PDE1A: variants seen among roughly 807,000 people sequenced by gnomAD.
PDE1A encodes phosphodiesterase 1A.
A neutral mutation model predicts 61.7 loss-of-function variants in PDE1A; 35 were observed. The observed-to-expected ratio is 0.57, with a 90% confidence interval of 0.43 to 0.75. The LOEUF is 0.75. PDE1A is among the 30% of genes least tolerant of loss of function. The pLI is 0.00. For missense variants in PDE1A, 597 were observed against 630.6 expected, an observed-to-expected ratio of 0.95 and a Z score of 0.57; for synonymous variants, 232 against 213.2, an observed-to-expected ratio of 1.09 and a Z score of -0.77.
At chr2:182,385,673 AG>A (rs1209183904) in intron 1 of PDE1A, among the ~76,000 whole-genome samples, 30 of 134,914 alleles carry the variant, frequency 2.2e-4, no homozygotes, top group East Asian at 5.2e-4. Flanking sequence ...AAAAAAAGAA[AG>A]AAAAGAAAGA....
chr2:182,144,595 A>G (rs1219550093), downstream of PDE1A, among the ~76,000 whole-genome samples: 1 of 152,160 alleles, frequency 6.6e-6, no homozygotes, highest in African/African-American at 2.4e-5. Flanking sequence ...ATTGCCTCAC[A>G]GTGGGACCTA....
intron 1 of PDE1A, among the ~76,000 whole-genome samples, chr2:182,403,661 G>A (rs907490385): frequency 6.6e-6 from 1 of 150,568 alleles, no homozygotes; most frequent in African/African-American, 2.5e-5. Context: ...AGCCATAAAA[G>A]GGATGAGTTC....
chr2:182,195,966 T>A (rs1686103324), intron 10 of PDE1A, among the ~76,000 whole-genome samples: 1 of 152,112 alleles, frequency 6.6e-6, no homozygotes, highest in Admixed American at 6.5e-5. Flanking sequence ...TCAGGTTCAT[T>A]GCTTATTTAC....
At chr2:182,516,573 A>T (rs1275204123) in intron 2 of PDE1A, among the ~76,000 whole-genome samples, 1 of 151,714 alleles carries the variant, frequency 6.6e-6, no homozygotes, top group Non-Finnish European at 1.5e-5. Context: ...GGATCACCTG[A>T]GCCTGGGAGG....
intron 2 of PDE1A, among the ~76,000 whole-genome samples, chr2:182,454,166 G>A (rs1340057711): frequency 6.6e-6 from 1 of 152,010 alleles, no homozygotes; most frequent in East Asian, 1.9e-4. Flanking sequence ...CTCCCAGTCA[G>A]AATTGCTTCG....
At chr2:182,681,190 C>A in the PDE1A span, among the ~76,000 whole-genome samples, 29 of 150,448 alleles carry the variant, frequency 1.9e-4, no homozygotes, top group African/African-American at 6.9e-4. Context: ...AGATGTAGAT[C>A]CTTCAAGAGA....
At chr2:182,666,702 G>A in the PDE1A span, among the ~76,000 whole-genome samples, 1 of 152,086 alleles carries the variant, frequency 6.6e-6, no homozygotes, top group Non-Finnish European at 1.5e-5. Context: ...TGCCAAGTAT[G>A]TCTATTGCAA....
chr2:182,632,498 G>T, the PDE1A span, among the ~76,000 whole-genome samples: 1 of 151,556 alleles, frequency 6.6e-6, no homozygotes, highest in African/African-American at 2.4e-5. Flanking sequence ...TACTCCTCCA[G>T]TTGCCTTCTC....
At chr2:182,211,208 C>G (rs964003116) in intron 7 of PDE1A, among the ~76,000 whole-genome samples, 1 of 152,204 alleles carries the variant, frequency 6.6e-6, no homozygotes, top group African/African-American at 2.4e-5. Context: ...TGTCTAGATT[C>G]TTCTTTGCTT....
At chr2:182,606,337 C>T in the PDE1A span, among the ~76,000 whole-genome samples, 2 of 152,298 alleles carry the variant, frequency 1.3e-5, no homozygotes, top group Non-Finnish European at 2.9e-5. Context: ...TGCCACCACA[C>T]CTGGCTAATT....
the PDE1A span, among the ~76,000 whole-genome samples, chr2:182,668,970 C>A: frequency 3.3e-4 from 50 of 152,312 alleles, no homozygotes; most frequent in Non-Finnish European, 6.3e-4. Context: ...GGACTGTGCA[C>A]CTGTGCTCCA....
chr2:182,692,235 G>A, the PDE1A span, among the ~76,000 whole-genome samples: 3 of 152,042 alleles, frequency 2.0e-5, no homozygotes, highest in Non-Finnish European at 2.9e-5. Flanking sequence ...GTTTATTGCG[G>A]CACTACTCAC....
chr2:182,583,204 T>A, the PDE1A span, among the ~76,000 whole-genome samples: 1 of 152,134 alleles, frequency 6.6e-6, no homozygotes, highest in East Asian at 1.9e-4. Context: ...TTTCAATAGC[T>A]GACACTATAT....
chr2:182,701,178 T>G, the PDE1A span, among the ~76,000 whole-genome samples: 10 of 141,912 alleles, frequency 7.0e-5, no homozygotes, highest in Non-Finnish European at 1.2e-4. Context: ...GAGACTACAG[T>G]CGCCTGCCAC....
At chr2:182,203,783 G>T (rs923215808) in intron 8 of PDE1A, among the ~76,000 whole-genome samples, 2 of 151,860 alleles carry the variant, frequency 1.3e-5, no homozygotes, top group East Asian at 3.9e-4. Context: ...GAAATAAACA[G>T]ATATGTAAAC....
the PDE1A span, among the ~76,000 whole-genome samples, chr2:182,653,302 T>A: frequency 3.2e-4 from 49 of 152,138 alleles, 1 homozygote; most frequent in Admixed American, 3.2e-3. Context: ...GCTTCCTGGA[T>A]CTGCATATTT....
chr2:182,377,179 G>C (rs1444956352), intron 1 of PDE1A, among the ~76,000 whole-genome samples: 1 of 152,208 alleles, frequency 6.6e-6, no homozygotes, highest in Non-Finnish European at 1.5e-5. Context: ...CCCAATGCTG[G>C]AAGTGGGGCC....
the PDE1A span, among the ~76,000 whole-genome samples, chr2:182,681,518 C>T: frequency 8.7e-5 from 13 of 150,098 alleles, no homozygotes; most frequent in African/African-American, 3.2e-4. Context: ...AACCTGACAG[C>T]TGAAGACTTT....
At chr2:182,561,734 A>T in the PDE1A span, among the ~76,000 whole-genome samples, 1 of 151,872 alleles carries the variant, frequency 6.6e-6, no homozygotes, top group Non-Finnish European at 1.5e-5. Flanking sequence ...TATTTCCTTG[A>T]GCAGTGGTTT....
Sources: gnomAD v4.1 joint callset for allele counts (sites outside exome capture counted in the v4.1 genomes callset) on GRCh38, gnomAD v4.1.1 for gene constraint, MANE v1.5 for transcripts, NCBI Gene and HGNC (gene_info 2026-07-23, HGNC 2026-07-21) for gene names.